The following SLC16A7 variants were observed in gnomAD, a reference collection of about 807,000 sequenced individuals.
SLC16A7 encodes monocarboxylate transporter 2.
SLC16A7 carries 33 observed loss-of-function variants against 34.9 expected under a neutral mutation model. That is an observed-to-expected ratio of 0.94 (90% confidence interval 0.72 to 1.26). The LOEUF (loss-of-function observed/expected upper bound fraction) is 1.26. Among genes scored for constraint, SLC16A7 ranks in the 50% most tolerant of loss-of-function variants. SLC16A7 has a pLI of 0.00. For synonymous variants in SLC16A7, 201 were observed against 206.6 expected, an observed-to-expected ratio of 0.97 and a Z score of 0.23; for missense variants, 573 against 578.1, an observed-to-expected ratio of 0.99 and a Z score of 0.09.
At chr12:59,761,523 C>T (rs1592666635) in intron 3 of SLC16A7, among the ~76,000 whole-genome samples, 1 of 152,052 alleles carries the variant, frequency 6.6e-6, no homozygotes, top group African/African-American at 2.4e-5. Flanking sequence ...CCTTGTTTGG[C>T]TCATATAAAT....
At chr12:59,738,004 A>G (rs1421177338) in intron 3 of SLC16A7, among the ~76,000 whole-genome samples, 1 of 152,110 alleles carries the variant, frequency 6.6e-6, no homozygotes, top group Non-Finnish European at 1.5e-5. Context: ...GTTTTATTTC[A>G]TTATTTGGTT....
chr12:59,704,954 C>G lies in SLC16A7; in HGVS notation c.153C>G (p.Phe51Leu). The change falls in exon 3 of 6, where the codon TTC (phenylalanine) becomes TTG (leucine). Residue 51 changes from phenylalanine to leucine, a missense_variant. Transcript: ENST00000547379. ...TCTTCAAAGAAATTCAGCAAATATT[C>G]CACACTACCTACAGTGAAATAGCAT... ...TVFFKEIQQI[F>L]HTTYSEIAWI... is the part of the protein sequence containing the mutation. 6.2e-7 allele frequency: 1 copy of G among 1,613,612 alleles called. No individual in the cohort carries two copies. Among genetic ancestry groups the G allele is most frequent in the South Asian group, 1.1e-5 (1 of 91,078 alleles).
chr12:59,724,778 G>A (rs1171582112), intron 3 of SLC16A7, among the ~76,000 whole-genome samples: 2 of 151,810 alleles, frequency 1.3e-5, no homozygotes, highest in Non-Finnish European at 2.9e-5. Context: ...AAGAAATGGA[G>A]GGTTTTTATG....
At chr12:59,632,107 T>C (rs1179686345) in intron 1 of SLC16A7, among the ~76,000 whole-genome samples, 1 of 151,866 alleles carries the variant, frequency 6.6e-6, no homozygotes, top group Non-Finnish European at 1.5e-5. Context: ...AGCTTAAAAG[T>C]AGACGGAATG....
chr12:59,717,869 A>G (rs1875103661), intron 3 of SLC16A7, among the ~76,000 whole-genome samples: 1 of 152,164 alleles, frequency 6.6e-6, no homozygotes, highest in Non-Finnish European at 1.5e-5. Context: ...ATGTTGAACA[A>G]TTATATTTAG....
intron 2 of SLC16A7, among the ~76,000 whole-genome samples, chr12:59,666,355 A>G (rs1010555137): frequency 2.0e-5 from 3 of 152,176 alleles, no homozygotes; most frequent in African/African-American, 7.2e-5. Flanking sequence ...TGCTAAATTT[A>G]TATATCAGTT....
At chr12:59,681,921 C>T (rs1163535679) in intron 2 of SLC16A7, among the ~76,000 whole-genome samples, 1 of 151,752 alleles carries the variant, frequency 6.6e-6, no homozygotes, top group Non-Finnish European at 1.5e-5. Context: ...CAGCTTAGAG[C>T]CAATTAGAGT....
At chr12:59,604,645 G>T (rs1878849058) in intron 1 of SLC16A7, among the ~76,000 whole-genome samples, 1 of 152,138 alleles carries the variant, frequency 6.6e-6, no homozygotes, top group African/African-American at 2.4e-5. Flanking sequence ...ACCTTATGAG[G>T]AAGCATTTTT....
rs779365082 is a variant in SLC16A7 at position 59,645,002 on chromosome 12, A to G, written c.-129-10150A>G. Among the ~76,000 whole-genome samples the G allele has an allele frequency of 2.0e-5, 3 of 152,232 alleles. No individual in the cohort carries two copies. The South Asian group carries it at 6.2e-4, about 32-fold the overall frequency. ...TTATCATTTATCAACTTTAAACATTATGAGCCTTCCCTATTATTGTTTTTC... is the reference window on the plus strand; with the variant it reads ...TTATCATTTATCAACTTTAAACATTGTGAGCCTTCCCTATTATTGTTTTTC... On this transcript the variant is annotated intron_variant, in intron 1 of 5. Coordinates refer to ENST00000547379, the MANE Select transcript of SLC16A7 (RefSeq NM_001270623.2).
intron 2 of SLC16A7, among the ~76,000 whole-genome samples, chr12:59,689,961 T>C (rs1871451664): frequency 6.6e-6 from 1 of 152,006 alleles, no homozygotes. Context: ...TTCCAGGCTC[T>C]CTATGATGCT....
At chr12:59,642,013 G>A (rs929756656) in intron 1 of SLC16A7, among the ~76,000 whole-genome samples, 8 of 151,794 alleles carry the variant, frequency 5.3e-5, no homozygotes, top group African/African-American at 1.9e-4. Context: ...TTTATATAGT[G>A]TTACAAAAAA....
chr12:59,737,109 C>T (rs923498799), intron 3 of SLC16A7, among the ~76,000 whole-genome samples: 1 of 152,192 alleles, frequency 6.6e-6, no homozygotes, highest in Non-Finnish European at 1.5e-5. Flanking sequence ...CTGTGAGGCA[C>T]AGTTGCAGAT....
At position 59,771,364 on chromosome 12, in the gene SLC16A7, T is replaced by G; in HGVS notation, c.361+2T>G. ...ACCTCACTATGGGATTCATTACAGGTAAGCCATTTAGTCTTCAGCTTATTC... is the reference window on the plus strand; with the variant it reads ...ACCTCACTATGGGATTCATTACAGGGAAGCCATTTAGTCTTCAGCTTATTC... On this transcript the variant is annotated splice_donor_variant, in intron 4 of 5. Transcript: ENST00000547379. LOFTEE classifies it high-confidence loss of function. 1 of 1,587,916 alleles carries G rather than the reference T, an allele frequency of 6.3e-7. No homozygotes were observed. Among genetic ancestry groups the G allele is most frequent in the Non-Finnish European group, 8.6e-7 (1 of 1,167,096 alleles).
At chr12:59,611,246 A>C (rs980216839) in intron 1 of SLC16A7, among the ~76,000 whole-genome samples, 3 of 152,226 alleles carry the variant, frequency 2.0e-5, no homozygotes, top group Admixed American at 6.5e-5. Context: ...AGGACTCAGC[A>C]AACTTAACAG....
intron 3 of SLC16A7, among the ~76,000 whole-genome samples, chr12:59,723,913 A>G (rs919498654): frequency 1.1e-4 from 16 of 151,762 alleles, no homozygotes; most frequent in African/African-American, 3.4e-4. Context: ...TCCCACTTAT[A>G]GTTAGTGAAT....
intron 2 of SLC16A7, among the ~76,000 whole-genome samples, chr12:59,674,496 A>G (rs920585704): frequency 3.3e-5 from 5 of 152,200 alleles, no homozygotes; most frequent in African/African-American, 1.2e-4. Context: ...TTACACATGA[A>G]CTAGTGTTGA....
At chr12:59,663,316 TTAA>T (rs1204540794) in intron 2 of SLC16A7, among the ~76,000 whole-genome samples, 1 of 151,928 alleles carries the variant, frequency 6.6e-6, no homozygotes, top group Non-Finnish European at 1.5e-5. Context: ...CTGAATAAAG[TTAA>T]TAATTTCTTT....
chr12:59,635,107 G>T (rs968783162), intron 1 of SLC16A7, among the ~76,000 whole-genome samples: 8 of 151,970 alleles, frequency 5.3e-5, no homozygotes, highest in African/African-American at 1.9e-4. Context: ...TTGTCATGCA[G>T]CCATTAGCTT....
rs987054704 is a variant in SLC16A7, at chr12:59,736,557, T to G, written c.217+31539T>G. Among the ~76,000 whole-genome samples the G allele has an allele frequency of 2.6e-5, 4 of 152,272 alleles. No homozygotes were observed. In the South Asian group the frequency reaches 8.3e-4, roughly 32 times the overall value. On this transcript the variant is annotated intron_variant, in intron 3 of 5. Coordinates refer to ENST00000547379, the MANE Select transcript of SLC16A7 (RefSeq NM_001270623.2). ...CTTGGTGACTTTCCCCACTATCAGC[T>G]GCTGCAGATGCTGTATTTCCCACCA...
Sources: gnomAD v4.1 joint callset for allele counts (sites outside exome capture counted in the v4.1 genomes callset) on GRCh38, gnomAD v4.1.1 for gene constraint, MANE v1.5 for transcripts, NCBI Gene and HGNC (gene_info 2026-07-23, HGNC 2026-07-21) for gene names.